The following KCTD20 variants were observed in gnomAD, a reference collection of about 807,000 sequenced individuals.
KCTD20 encodes the protein BTB/POZ domain-containing protein KCTD20.
A neutral mutation model predicts 39.6 loss-of-function variants in KCTD20; 30 were observed. The ratio of observed to expected loss-of-function variants is 0.76; its 90% CI spans 0.57 to 1.03. The LOEUF is 1.03. Among genes scored for constraint, KCTD20 ranks in the 50% least tolerant of loss-of-function variants. The probability of loss-of-function intolerance (pLI) is 0.00; values close to 1 mark genes in which losing one functional copy is unlikely to be tolerated. For missense variants in KCTD20, 422 were observed against 522.0 expected (o/e 0.81, Z 1.87); for synonymous variants, 162 against 180.6 (o/e 0.90, Z 0.83).
intron 1 of KCTD20, among the ~76,000 whole-genome samples, chr6:36,447,076 C>T (rs1775070867): frequency 1.3e-5 from 2 of 152,110 alleles, no homozygotes; most frequent in Non-Finnish European, 2.9e-5. Flanking sequence ...AATATATGCT[C>T]AAGAGTGTCC....
intron 1 of KCTD20, among the ~76,000 whole-genome samples, chr6:36,459,226 C>A (rs1290451615): frequency 2.0e-5 from 3 of 152,082 alleles, no homozygotes; most frequent in Non-Finnish European, 4.4e-5. Flanking sequence ...GCAGGAGAAT[C>A]GCTTGAACTC....
In KCTD20 at chr6:36,490,791, C is replaced by T. The variant is rs1137628; in HGVS notation, c.*3616C>T. 0.24 allele frequency: 36,127 copies of T among 151,520 alleles called. 4,533 individuals carry two copies. Among genetic ancestry groups the T allele is most frequent in the East Asian group, 0.39 (2,011 of 5,126 alleles). The allele number at this position is 151,520 out of a possible 1,614,324, so 9.4% of individuals were successfully genotyped here. ...ATGAGGCTGCAGTGAGCCATGATGA[C>T]GCTACTGCACTCCAGCCTGGATGAC... On this transcript the variant is annotated 3_prime_UTR_variant, in exon 8 of 8. Coordinates refer to ENST00000373731, the MANE Select transcript of KCTD20 (RefSeq NM_173562.5).
chr6:36,454,817 C>T (rs1219758448), intron 1 of KCTD20, among the ~76,000 whole-genome samples: 1 of 151,306 alleles, frequency 6.6e-6, no homozygotes, highest in Admixed American at 6.6e-5. Flanking sequence ...GGCTAATTTT[C>T]ATATTTCTGT....
chr6:36,485,231 G>A (rs544013478), intron 7 of KCTD20, among the ~76,000 whole-genome samples: 10 of 151,886 alleles, frequency 6.6e-5, no homozygotes, highest in Admixed American at 2.6e-4. Context: ...GCTGGGCACA[G>A]TTTGTTGTGC....
At chr6:36,476,428 AT>A (rs146381569) in intron 3 of KCTD20, among the ~76,000 whole-genome samples, 48,916 of 137,644 alleles carry the variant, frequency 0.36, 8,801 homozygotes, top group East Asian at 0.54. Context: ...ACAGTGAACC[AT>A]TTTTTTTTTT....
In KCTD20 at chr6:36,481,695, G is replaced by A. The variant is rs145017476; in HGVS notation, c.792G>A (p.Thr264=). Residue 264 remains threonine (T), a synonymous_variant, in exon 6 of 8, where the codon ACG becomes ACA. Coordinates refer to ENST00000373731, the MANE Select transcript of KCTD20 (RefSeq NM_173562.5). ...GAGAGTGCCACATTGTTGTGCTGAC[G>A]GATGAGGATTCTGTGGACTGGGATG... ...GERECHIVVL[T]DEDSVDWDED... 338 of 1,614,178 alleles carry A rather than the reference G, an allele frequency of 2.1e-4. 6 individuals carry two copies. In the Admixed American group the frequency reaches 2.6e-3, roughly 13 times the overall value.
chr6:36,445,664 C>T (rs1326472660), intron 1 of KCTD20, among the ~76,000 whole-genome samples: 1 of 152,134 alleles, frequency 6.6e-6, no homozygotes, highest in Non-Finnish European at 1.5e-5. Flanking sequence ...GAGCTTATTA[C>T]AAATTTATCA....
intron 1 of KCTD20, among the ~76,000 whole-genome samples, chr6:36,468,088 A>G (rs1357582602): frequency 6.6e-6 from 1 of 152,202 alleles, no homozygotes; most frequent in African/African-American, 2.4e-5. Flanking sequence ...TGCATTATCT[A>G]TAAGGTTTGA....
In KCTD20 at chr6:36,481,647, G is replaced by A; in HGVS notation, c.744G>A (p.Val248=). The part of the protein sequence containing the change: ...YLEELILPIM[V]GCAKKGEREC... ...AAGAGCTCATCTTGCCCATCATGGT[G>A]GGCTGTGCCAAGAAAGGAGAACGAG... Residue 248 remains valine, a synonymous_variant, in exon 6 of 8, where the codon GTG becomes GTA. Transcript: ENST00000373731. 6.2e-7 allele frequency: 1 copy of A among 1,614,208 alleles called. No individual in the cohort carries two copies. Among genetic ancestry groups the A allele is most frequent in the Non-Finnish European group, 8.5e-7 (1 of 1,180,028 alleles).
At chr6:36,455,911 C>A (rs1454952171) in intron 1 of KCTD20, among the ~76,000 whole-genome samples, 1 of 152,082 alleles carries the variant, frequency 6.6e-6, no homozygotes, top group African/African-American at 2.4e-5. Context: ...TACCAAATAC[C>A]TTGACAGCAA....
At position 36,466,788 on chromosome 6, in the gene KCTD20, A is replaced by G. The variant is rs1253928841; in HGVS notation, c.-46-3264A>G. 2.6e-5 allele frequency among the ~76,000 whole-genome samples: 4 copies of G among 151,992 alleles called. No homozygotes were observed. In the South Asian group the frequency reaches 6.2e-4, roughly 24 times the overall value. ...AACCAGGGTAGGCAATGAAAATATC[A>G]TTCAAAGTTGAATGAAGCGTCCATG... On this transcript the variant is annotated intron_variant, in intron 1 of 7. Coordinates refer to ENST00000373731, the MANE Select transcript of KCTD20 (RefSeq NM_173562.5).
At chr6:36,482,761 T>C (rs899907140) in intron 6 of KCTD20, among the ~76,000 whole-genome samples, 2 of 151,642 alleles carry the variant, frequency 1.3e-5, no homozygotes, top group Non-Finnish European at 2.9e-5. Context: ...GCCTTGCCAA[T>C]ATAGTGAAAC....
intron 6 of KCTD20, among the ~76,000 whole-genome samples, chr6:36,482,329 G>A (rs1024461180): frequency 6.9e-6 from 1 of 145,328 alleles, no homozygotes; most frequent in African/African-American, 2.5e-5. Context: ...CGAGGCAGGC[G>A]AATCATGAGG....
In KCTD20 at chr6:36,484,826, TAAAAAA is replaced by T; in HGVS notation, c.967+13_967+18del. The T allele has an allele frequency of 1.5e-6, 2 of 1,294,794 alleles. No homozygotes were observed. The highest frequency in any genetic ancestry group is 2.2e-6 in the Non-Finnish European group (2 of 922,486). The allele number at this position is 1,294,794 out of a possible 1,614,324, so 80.2% of individuals were successfully genotyped here. A position where few individuals can be genotyped will look rare whatever the true frequency, so the allele number is the denominator to read the frequency against. Reference sequence around the variant, plus strand: ...AAAACATTCGCATTGGAATTGAAGGTAAAAAAAAAAAAAAAATCCCAGTCAACATTC... The same window carrying T: ...AAAACATTCGCATTGGAATTGAAGGTAAAAAAAAAATCCCAGTCAACATTC... On this transcript the variant is annotated splice_donor_5th_base_variant and intron_variant, in intron 7 of 7. Transcript: ENST00000373731.
In KCTD20 at chr6:36,474,894, G is replaced by A. The variant is rs773842819; in HGVS notation, c.266G>A (p.Arg89Gln). 21 of 1,614,020 alleles carry A rather than the reference G, an allele frequency of 1.3e-5. No homozygotes were observed. The highest frequency in any genetic ancestry group is 7.7e-5 in the South Asian group (7 of 91,074). Residue 89 changes from arginine (R) to glutamine (Q), a missense_variant, in exon 3 of 8, where the codon CGG becomes CAG. By Grantham distance (43) the Arg-to-Gln change is conservative. Coordinates refer to ENST00000373731, the MANE Select transcript of KCTD20 (RefSeq NM_173562.5). Reference protein sequence around the residue: ...KGSCFQSGNKRNHEPFIAPER... With the variant: ...KGSCFQSGNKQNHEPFIAPER... ...TCTTGCTTCCAAAGTGGGAATAAAC[G>A]GAACCATGAACCTTTTATTGCTCCA...
At chr6:36,484,174 G>C (rs1776348777) in intron 6 of KCTD20, among the ~76,000 whole-genome samples, 1 of 152,090 alleles carries the variant, frequency 6.6e-6, no homozygotes, top group South Asian at 2.1e-4. Flanking sequence ...AACCTCAACT[G>C]ATCTGCCTGC....
chr6:36,484,528 T>TC (rs2127457294), intron 6 of KCTD20, among the ~76,000 whole-genome samples, 186 bp from the exon 7 acceptor site: 1 of 152,314 alleles, frequency 6.6e-6, no homozygotes, highest in East Asian at 1.9e-4. Flanking sequence ...ACCCAGAAAG[T>TC]CCCCACCCTG....
intron 1 of KCTD20, among the ~76,000 whole-genome samples, chr6:36,444,533 G>T (rs750203840): frequency 1.3e-5 from 2 of 151,812 alleles, no homozygotes; most frequent in Non-Finnish European, 2.9e-5. Context: ...AATCTCCTCC[G>T]CCCAGCTCAC....
intron 3 of KCTD20, among the ~76,000 whole-genome samples, chr6:36,477,990 G>A (rs1776120624): frequency 6.6e-6 from 1 of 151,310 alleles, no homozygotes; most frequent in Non-Finnish European, 1.5e-5. Flanking sequence ...AACTGCTGGG[G>A]AGGCTAAGGC....
Sources: allele counts gnomAD v4.1 joint callset (sites outside exome capture counted in the v4.1 genomes callset), GRCh38; gene constraint gnomAD v4.1.1; transcripts MANE v1.5; gene names NCBI Gene and HGNC (gene_info 2026-07-23, HGNC 2026-07-21).